Variants in LRRK1 observed in about 807,000 individuals in gnomAD.
LRRK1 encodes leucine rich repeat kinase 1.
A neutral mutation model predicts 209.1 loss-of-function variants in LRRK1; 113 were observed. That is an observed-to-expected ratio of 0.54 (90% CI 0.46 to 0.63). The LOEUF (loss-of-function observed/expected upper bound fraction) is 0.63. LRRK1 is among the 30% of genes least tolerant of loss of function. The probability of loss-of-function intolerance (pLI) is 0.00; values close to 1 mark genes in which losing one functional copy is unlikely to be tolerated. For missense variants in LRRK1, 2,284 were observed against 2,632.2 expected (o/e 0.87, Z 2.89); for synonymous variants, 1,144 against 1,099.7 (o/e 1.04, Z -0.80).
intron 12 of LRRK1, among the ~76,000 whole-genome samples, chr15:101,018,866 G>A (rs1467967351): frequency 1.3e-5 from 2 of 152,190 alleles, no homozygotes; most frequent in African/African-American, 4.8e-5. Flanking sequence ...TTCCTCAGTA[G>A]GGTTATTCTC....
At position 101,022,032 on chromosome 15, in the gene LRRK1, G is replaced by T; in HGVS notation, c.1852+75G>T. ...CTCCAGTCCACTTGTTAAGTTCTGG[G>T]GGTGGAGACAGTTGGTGACCCATGG... On this transcript the variant is annotated intron_variant, in intron 14 of 33. Transcript: ENST00000388948. The surrounding 1 kb of genome is among the most constrained non-coding windows in gnomAD (Gnocchi z 4.0). 9.3e-7 allele frequency: 1 copy of T among 1,073,890 alleles called. No homozygotes were observed. The highest frequency in any genetic ancestry group is 1.4e-6 in the Non-Finnish European group (1 of 723,604). The allele number at this position is 1,073,890 out of a possible 1,614,324, so 66.5% of individuals were successfully genotyped here. A position where few individuals can be genotyped will look rare whatever the true frequency, so the allele number is the denominator to read the frequency against.
intron 13 of LRRK1, 128 bp from the exon 14 acceptor site, chr15:101,021,717 G>T (rs2033795990): frequency 6.5e-6 from 4 of 619,302 alleles, no homozygotes; most frequent in Non-Finnish European, 8.6e-6. Context: ...TGAAATCAGG[G>T]CTCAAAGTGT....
chr15:100,966,634 C>A (rs79599780), intron 2 of LRRK1, among the ~76,000 whole-genome samples: 2 of 152,210 alleles, frequency 1.3e-5, no homozygotes, highest in African/African-American at 2.4e-5. Flanking sequence ...TACGCATTAA[C>A]TGGTGCCTTT....
intron 29 of LRRK1, among the ~76,000 whole-genome samples, chr15:101,060,336 T>G (rs1452366391): frequency 9.2e-5 from 14 of 152,204 alleles, no homozygotes; most frequent in Non-Finnish European, 2.1e-4. Context: ...TTTTAACTGT[T>G]TGTTTTCAAA....
chr15:101,029,036 G>A lies in LRRK1; in HGVS notation c.2767G>A (p.Asp923Asn), dbSNP rs200062338. Residue 923 changes from aspartate (D) to asparagine (N), a missense_variant, in exon 20 of 34, where the codon GAC becomes AAC. By Grantham distance (23) the Asp-to-Asn change is conservative. This residue lies in a region of LRRK1 where 780 missense variants were observed against 985.2 expected (regional missense o/e 0.79). Transcript: ENST00000388948. The stretch of plus-strand genomic sequence containing the variant: ...CGGCCTGAGGAACCTCTACTTCCTC[G>A]ACCCTATTTGGCTCTCCGAATGTCT... ...SHGLRNLYFL[D>N]PIWLSECLQR... The A allele has an allele frequency of 1.2e-5, 19 of 1,613,978 alleles. 1 individual carries two copies. The highest frequency in any genetic ancestry group is 2.2e-5 in the East Asian group (1 of 44,890).
chr15:101,042,059 T>C (rs879291896), intron 20 of LRRK1, among the ~76,000 whole-genome samples: 1 of 152,220 alleles, frequency 6.6e-6, no homozygotes, highest in Non-Finnish European at 1.5e-5. Flanking sequence ...TACTTTTGCT[T>C]TGAATAATTA....
chr15:101,022,489 C>T lies in LRRK1; in HGVS notation c.1959C>T (p.Thr653=), dbSNP rs1450484366. 3 of 1,614,100 alleles carry T rather than the reference C, an allele frequency of 1.9e-6. No homozygotes were observed. The African/African-American group carries it at 4.0e-5, about 22-fold the overall frequency. Residue 653 remains threonine, a synonymous_variant, in exon 15 of 34, where the codon ACC becomes ACT. Coordinates refer to ENST00000388948, the MANE Select transcript of LRRK1 (RefSeq NM_024652.6). This position sits in a 1 kb window ranked among gnomAD's most constrained non-coding sequence, Gnocchi z 4.0. ...GTCCCCCGCGCCAGGGCAAGTCCACCCTCCTGGAGATCTTACAGACGGGGA... is the reference window on the plus strand; with the variant it reads ...GTCCCCCGCGCCAGGGCAAGTCCACTCTCCTGGAGATCTTACAGACGGGGA... ...IVGPPRQGKS[T]LLEILQTGRA... is the part of the protein sequence containing the mutation.
intron 29 of LRRK1, among the ~76,000 whole-genome samples, chr15:101,058,845 G>T (rs566286757): frequency 1.3e-5 from 2 of 152,128 alleles, no homozygotes; most frequent in African/African-American, 4.8e-5. Context: ...ACTAGGAGGC[G>T]GTGGCCAGAC....
chr15:100,969,497 GT>G (rs985778041), intron 2 of LRRK1, among the ~76,000 whole-genome samples: 13 of 151,216 alleles, frequency 8.6e-5, no homozygotes, highest in Non-Finnish European at 1.6e-4. Flanking sequence ...TTTTTTTCAA[GT>G]TTTTTTTTCA....
At chr15:101,015,265 A>G in intron 11 of LRRK1, 61 bp from the exon 12 acceptor site, 1 of 1,342,648 alleles carries the variant, frequency 7.4e-7, no homozygotes, top group Non-Finnish European at 1.1e-6. Context: ...ATAACATCAC[A>G]GCCAAAAGTA....
In LRRK1 at chr15:100,983,557, TG is replaced by T. The variant is rs1567214630; in HGVS notation, c.295del (p.Asp99IlefsTer55). 1 of 1,608,750 alleles carries T rather than the reference TG, an allele frequency of 6.2e-7. No homozygotes were observed. Among genetic ancestry groups the T allele is most frequent in the Non-Finnish European group, 8.5e-7 (1 of 1,176,666 alleles). The part of the protein sequence containing the change: ...GQLLSIPAAY[G>X]DLEMVRYLLS... ...AGCTTCTGAGCATCCCGGCAGCCTA[TG>T]GGGATCTGGAGATGGTCCGCTACCT... On this transcript the variant is annotated frameshift_variant, in exon 4 of 34. Transcript: ENST00000388948. LOFTEE classifies it high-confidence loss of function.
At chr15:101,047,922 C>T (rs1296426469) in intron 21 of LRRK1, among the ~76,000 whole-genome samples, 1 of 152,152 alleles carries the variant, frequency 6.6e-6, no homozygotes, top group Non-Finnish European at 1.5e-5. Context: ...TTGGCACCAA[C>T]TTACACTTCC....
At chr15:101,042,760 C>A (rs2034831211) in intron 20 of LRRK1, among the ~76,000 whole-genome samples, 1 of 152,204 alleles carries the variant, frequency 6.6e-6, no homozygotes, top group Admixed American at 6.5e-5. Flanking sequence ...TCTTTATGAG[C>A]TATTACTTAA....
intron 20 of LRRK1, among the ~76,000 whole-genome samples, chr15:101,041,942 T>C (rs2034778915): frequency 1.3e-5 from 2 of 152,180 alleles, no homozygotes; most frequent in Non-Finnish European, 2.9e-5. Flanking sequence ...CTCTCTCTCT[T>C]TCTAAATATC....
chr15:101,069,463 C>T lies in LRRK1; in HGVS notation c.*615C>T, dbSNP rs555039829. 2.6e-5 allele frequency: 4 copies of T among 152,594 alleles called. No individual in the cohort carries two copies. The highest frequency in any genetic ancestry group is 4.1e-4 in the South Asian group (2 of 4,820). The allele number at this position is 152,594 out of a possible 1,614,324, so 9.5% of individuals were successfully genotyped here. A position where few individuals can be genotyped will look rare whatever the true frequency, so the allele number is the denominator to read the frequency against. On this transcript the variant is annotated 3_prime_UTR_variant, in exon 34 of 34. Transcript: ENST00000388948. ...CCCGGGTGAGGAGTGTTGCCCCATC[C>T]AGAGAATGAATGAGTTCCTTTAAGT...
chr15:101,055,261 A>G (rs200647279), intron 27 of LRRK1, 38 bp downstream of exon 27: 3 of 1,503,784 alleles, frequency 2.0e-6, no homozygotes, highest in Non-Finnish European at 1.8e-6. Context: ...CCCACAGTGT[A>G]GGAGCCCAGC....
At chr15:101,066,588 G>A (rs959790470) in intron 32 of LRRK1, 52 bp from the exon 33 acceptor site, 1 of 1,553,998 alleles carries the variant, frequency 6.4e-7, no homozygotes. Flanking sequence ...TCACTCCCCG[G>A]AGAGCACGGC....
In LRRK1 at chr15:101,065,939, A is replaced by G. The variant is rs2036505902; in HGVS notation, c.5502A>G (p.Ser1834=). 1.2e-6 allele frequency: 2 copies of G among 1,613,988 alleles called. No individual in the cohort carries two copies. Among genetic ancestry groups the G allele is most frequent in the African/African-American group, 2.7e-5 (2 of 74,902 alleles). Reference sequence around the variant, plus strand: ...CGCAGATCCTGATCCACCAGGAATCACTCACTGACTACTGCTCCATGTCCT... The same window carrying G: ...CGCAGATCCTGATCCACCAGGAATCGCTCACTGACTACTGCTCCATGTCCT... ...LGTQILIHQE[S]LTDYCSMSSY... The change falls in exon 32 of 34, where the codon TCA becomes TCG. Residue 1834 remains serine, a synonymous_variant. Transcript: ENST00000388948.
chr15:101,077,079 C>A lies in LRRK1; in HGVS notation c.*8231C>A, dbSNP rs1304500721. 6.6e-6 allele frequency: 1 copy of A among 152,202 alleles called. No homozygotes were observed. The highest frequency in any genetic ancestry group is 1.9e-4 in the East Asian group (1 of 5,202). The allele number at this position is 152,202 out of a possible 1,614,324, so 9.4% of individuals were successfully genotyped here. On this transcript the variant is annotated 3_prime_UTR_variant, in exon 34 of 34. Coordinates refer to ENST00000388948, the MANE Select transcript of LRRK1 (RefSeq NM_024652.6). ...GGACTAATGATCTTTTAAAAACACA[C>A]CTCACCAAGCTCAGCCACCAACTTA...
Sources: gnomAD v4.1 joint callset for allele counts (sites outside exome capture counted in the v4.1 genomes callset) on GRCh38, gnomAD v4.1.1 for gene constraint, gnomAD v4.1.1 regional missense constraint, Gnocchi (gnomAD v3.1) non-coding constraint, MANE v1.5 for transcripts, NCBI Gene and HGNC (gene_info 2026-07-23, HGNC 2026-07-21) for gene names.